Variants in EPHB1 observed in about 807,000 individuals in gnomAD.
EPHB1 encodes the protein ephrin type-B receptor 1.
EPHB1 carries 30 observed loss-of-function variants against 94.4 expected under a neutral mutation model. The ratio of observed to expected loss-of-function variants is 0.32; its 90% CI spans 0.24 to 0.43. The LOEUF is 0.43. EPHB1 is among the 20% of genes least tolerant of loss of function. The pLI, the probability that EPHB1 is intolerant of heterozygous loss-of-function variation, is 1.00. For missense variants in EPHB1, 1,055 were observed against 1,308.3 expected (o/e 0.81, Z 2.99); for synonymous variants, 522 against 489.1 (o/e 1.07, Z -0.89).
At chr3:134,820,057 C>T (rs972727614) in intron 1 of EPHB1, among the ~76,000 whole-genome samples, 2 of 152,148 alleles carry the variant, frequency 1.3e-5, no homozygotes, top group African/African-American at 4.8e-5. Flanking sequence ...TTCCCCTCCC[C>T]TCACCCACCC....
intron 3 of EPHB1, among the ~76,000 whole-genome samples, chr3:135,044,062 A>G (rs181539678): frequency 3.9e-5 from 6 of 152,318 alleles, no homozygotes; most frequent in Admixed American, 2.6e-4. Flanking sequence ...TTATCAGAAA[A>G]TGGATTCTAA....
chr3:135,042,265 T>C (rs1936874556), intron 3 of EPHB1, among the ~76,000 whole-genome samples: 1 of 152,160 alleles, frequency 6.6e-6, no homozygotes, highest in Non-Finnish European at 1.5e-5. Context: ...TCTGTGATAA[T>C]ATCCTTAATC....
chr3:135,213,180 C>T lies in EPHB1; in HGVS notation c.2346+11491C>T, dbSNP rs555466119. On this transcript the variant is annotated intron_variant, in intron 12 of 15. Coordinates refer to ENST00000398015, the MANE Select transcript of EPHB1 (RefSeq NM_004441.5). ...CCCAGGTGTTCCTTCTGTTTTAGAT[C>T]GCTATTTCTAGCCCCAGGAGCATTT... is the stretch of plus-strand genomic sequence containing the variant. Among the ~76,000 whole-genome samples the T allele has an allele frequency of 7.6e-4, 116 of 152,250 alleles. 1 individual carries two copies. The South Asian group carries it at 0.023, about 30-fold the overall frequency.
At chr3:134,947,950 T>G (rs1247947692) in intron 2 of EPHB1, among the ~76,000 whole-genome samples, 1 of 151,972 alleles carries the variant, frequency 6.6e-6, no homozygotes, top group Non-Finnish European at 1.5e-5. Flanking sequence ...GCCACCAATC[T>G]TGGTTAATTT....
chr3:134,854,133 A>G (rs565213711), intron 1 of EPHB1, among the ~76,000 whole-genome samples: 31 of 152,310 alleles, frequency 2.0e-4, no homozygotes, highest in African/African-American at 7.2e-4. Flanking sequence ...CTCCAGGCAT[A>G]TGACGGGTCT....
At chr3:135,191,722 G>C (rs1942461885) in intron 10 of EPHB1, among the ~76,000 whole-genome samples, 1 of 151,404 alleles carries the variant, frequency 6.6e-6, no homozygotes, top group African/African-American at 2.4e-5. Context: ...ATGTTTCAAC[G>C]CTGTGGCATG....
At chr3:134,938,578 T>G (rs1230086136) in intron 2 of EPHB1, among the ~76,000 whole-genome samples, 1 of 151,976 alleles carries the variant, frequency 6.6e-6, no homozygotes, top group Non-Finnish European at 1.5e-5. Flanking sequence ...GATGCACAGG[T>G]GCTGACAGAC....
intron 5 of EPHB1, among the ~76,000 whole-genome samples, chr3:135,146,278 G>A (rs1191426233): frequency 6.6e-6 from 1 of 152,244 alleles, no homozygotes; most frequent in Non-Finnish European, 1.5e-5. Flanking sequence ...CTAGTGGTGA[G>A]CCATTGAAGG....
intron 9 of EPHB1, among the ~76,000 whole-genome samples, chr3:135,176,111 T>C (rs1034886518): frequency 6.6e-6 from 1 of 152,146 alleles, no homozygotes; most frequent in East Asian, 1.9e-4. Context: ...TCTAGGAAGA[T>C]GCGTCATTCT....
At chr3:134,814,741 C>CGTCCAA (rs2036237394) in intron 1 of EPHB1, among the ~76,000 whole-genome samples, 1 of 152,282 alleles carries the variant, frequency 6.6e-6, no homozygotes, top group Non-Finnish European at 1.5e-5. Flanking sequence ...CATCTTGTTG[C>CGTCCAA]GTCCCAAGTC....
intron 1 of EPHB1, among the ~76,000 whole-genome samples, chr3:134,802,990 T>A (rs1018017535): frequency 2.0e-5 from 3 of 152,184 alleles, no homozygotes; most frequent in Non-Finnish European, 2.9e-5. Context: ...AAGAAGGTCC[T>A]GTTTCCCCCT....
intron 3 of EPHB1, among the ~76,000 whole-genome samples, chr3:135,015,736 G>A (rs992714290): frequency 2.0e-5 from 3 of 152,170 alleles, no homozygotes; most frequent in Non-Finnish European, 2.9e-5. Flanking sequence ...GCCTGGGGGA[G>A]GTTTTAAATA....
chr3:134,942,372 C>T (rs370709743), intron 2 of EPHB1, among the ~76,000 whole-genome samples: 11 of 152,126 alleles, frequency 7.2e-5, no homozygotes, highest in African/African-American at 1.4e-4. Context: ...AATTCAATGA[C>T]GAAACAGAAG....
intron 3 of EPHB1, among the ~76,000 whole-genome samples, chr3:135,011,338 A>G (rs1214129599): frequency 6.6e-6 from 1 of 152,114 alleles, no homozygotes; most frequent in Non-Finnish European, 1.5e-5. Context: ...AGATTTAGTA[A>G]TTTCACCAGG....
At chr3:134,999,101 C>G (rs1015792119) in intron 3 of EPHB1, among the ~76,000 whole-genome samples, 2 of 152,150 alleles carry the variant, frequency 1.3e-5, no homozygotes, top group Non-Finnish European at 2.9e-5. Context: ...GATACCTGGT[C>G]AGTCACTGGT....
At chr3:135,001,118 G>A (rs1366163026) in intron 3 of EPHB1, among the ~76,000 whole-genome samples, 1 of 152,128 alleles carries the variant, frequency 6.6e-6, no homozygotes, top group Non-Finnish European at 1.5e-5. Flanking sequence ...ATCCTCCTTG[G>A]GGCAGGGTGT....
intron 3 of EPHB1, among the ~76,000 whole-genome samples, chr3:135,041,365 G>A (rs780690176): frequency 4.6e-5 from 7 of 152,150 alleles, no homozygotes; most frequent in South Asian, 2.1e-4. Context: ...TCTGTGACCC[G>A]TGGAAATGTG....
intron 3 of EPHB1, among the ~76,000 whole-genome samples, chr3:135,006,715 T>C (rs1221484227): frequency 2.6e-5 from 4 of 152,154 alleles, no homozygotes; most frequent in Non-Finnish European, 4.4e-5. Context: ...CCTTGTACAA[T>C]AGAGTGCTCT....
At chr3:135,082,546 G>A (rs1398844288) in intron 3 of EPHB1, among the ~76,000 whole-genome samples, 1 of 152,198 alleles carries the variant, frequency 6.6e-6, no homozygotes, top group Admixed American at 6.5e-5. Context: ...TCCACATCCT[G>A]TAGGGACAGT....
Sources: gnomAD v4.1 joint callset for allele counts (sites outside exome capture counted in the v4.1 genomes callset) on GRCh38, gnomAD v4.1.1 for gene constraint, MANE v1.5 for transcripts, NCBI Gene and HGNC (gene_info 2026-07-23, HGNC 2026-07-21) for gene names.